The following DIAPH2 variants were observed in gnomAD, a reference collection of about 807,000 sequenced individuals.
The protein encoded by DIAPH2 is protein diaphanous homolog 2.
A neutral mutation model predicts 92.7 loss-of-function variants in DIAPH2; 35 were observed. That is an observed-to-expected ratio of 0.38 (90% CI 0.29 to 0.50). DIAPH2 has a LOEUF of 0.50. DIAPH2 is among the 20% of genes least tolerant of loss of function. The pLI is 0.94. For missense variants in DIAPH2, 701 were observed against 819.5 expected, an observed-to-expected ratio of 0.86 and a Z score of 1.77; for synonymous variants, 301 against 280.4, an observed-to-expected ratio of 1.07 and a Z score of -0.73.
At chrX:97,196,872 C>T (rs1258378415) in intron 22 of DIAPH2, among the ~76,000 whole-genome samples, 1 of 107,159 alleles carries the variant, frequency 9.3e-6, no homozygotes, top group East Asian at 2.9e-4. Context: ...CTGCAACCTC[C>T]GCCTGCCGGG....
chrX:97,187,773 C>T (rs1373322252), intron 22 of DIAPH2, among the ~76,000 whole-genome samples: 3 of 111,567 alleles, frequency 2.7e-5, no homozygotes, highest in Admixed American at 1.9e-4. Context: ...TTGTGTTACA[C>T]TTGGGATCAT....
chrX:97,378,098 C>T (rs1477236953), intron 24 of DIAPH2, among the ~76,000 whole-genome samples: 1 of 110,970 alleles, frequency 9.0e-6, no homozygotes, highest in Admixed American at 9.6e-5. Context: ...ATTAGCTGGG[C>T]TTGGCTGGGC....
chrX:97,232,695 C>G (rs1035676380), intron 22 of DIAPH2, among the ~76,000 whole-genome samples: 4 of 111,597 alleles, frequency 3.6e-5, no homozygotes, highest in African/African-American at 1.3e-4. Flanking sequence ...TCCCAACTCC[C>G]GCATACATGA....
At chrX:97,049,158 G>T (rs1158309748) in intron 17 of DIAPH2, among the ~76,000 whole-genome samples, 2 of 110,580 alleles carry the variant, frequency 1.8e-5, no homozygotes, top group Admixed American at 9.6e-5. Flanking sequence ...TCGGTTTGAT[G>T]CAGGTGAGAG....
At chrX:97,221,725 TAAGTA>T (rs1347492638) in intron 22 of DIAPH2, among the ~76,000 whole-genome samples, 2 of 111,950 alleles carry the variant, frequency 1.8e-5, no homozygotes, top group Non-Finnish European at 1.9e-5. Flanking sequence ...TTGTTGTTGT[TAAGTA>T]AAGGGATTAA....
intron 26 of DIAPH2, among the ~76,000 whole-genome samples, chrX:97,556,292 G>A (rs914240606): frequency 1.8e-5 from 2 of 111,743 alleles, no homozygotes; most frequent in Non-Finnish European, 3.8e-5. Context: ...TGAGTAAAAG[G>A]ATCTCCTCTG....
chrX:97,096,969 C>T (rs1030798727), intron 19 of DIAPH2, among the ~76,000 whole-genome samples: 10 of 111,182 alleles, frequency 9.0e-5, no homozygotes, highest in African/African-American at 3.3e-4. Flanking sequence ...AGGCTGATTC[C>T]GAGGACTCTG....
At chrX:97,210,786 A>G (rs761743489) in intron 22 of DIAPH2, among the ~76,000 whole-genome samples, 1 of 111,861 alleles carries the variant, frequency 8.9e-6, no homozygotes, top group African/African-American at 3.2e-5. Flanking sequence ...CACTGTTGCA[A>G]TCTAGAGCTT....
At chrX:97,450,956 T>C (rs1456515360) in intron 26 of DIAPH2, among the ~76,000 whole-genome samples, 1 of 109,133 alleles carries the variant, frequency 9.2e-6, no homozygotes, top group Admixed American at 9.9e-5. Context: ...AGAAAATCTT[T>C]CATTGCTAAT....
intron 22 of DIAPH2, among the ~76,000 whole-genome samples, chrX:97,194,956 C>T (rs994847767): frequency 9.9e-5 from 11 of 111,405 alleles, no homozygotes; most frequent in African/African-American, 3.6e-4. Context: ...TGGTCCCAAC[C>T]TTACCATATT....
At chrX:97,073,303 G>A (rs2066682111) in intron 18 of DIAPH2, among the ~76,000 whole-genome samples, 1 of 111,463 alleles carries the variant, frequency 9.0e-6, no homozygotes, top group Admixed American at 9.5e-5. Context: ...AACACTGTTG[G>A]AGGACATAGT....
intron 19 of DIAPH2, among the ~76,000 whole-genome samples, chrX:97,085,859 A>G (rs1456508952): frequency 8.9e-6 from 1 of 112,159 alleles, no homozygotes; most frequent in African/African-American, 3.2e-5. Context: ...ACAAAGCTAG[A>G]TGGCAGTGCT....
At chrX:97,343,600 C>T (rs774870036) in intron 23 of DIAPH2, among the ~76,000 whole-genome samples, 9 of 109,370 alleles carry the variant, frequency 8.2e-5, no homozygotes, top group Non-Finnish European at 1.5e-4. Context: ...ACCCGGGAGG[C>T]GGAGGTTGCA....
intron 23 of DIAPH2, among the ~76,000 whole-genome samples, chrX:97,347,049 A>T (rs1304239120): frequency 1.9e-5 from 2 of 107,035 alleles, no homozygotes; most frequent in African/African-American, 6.9e-5. Context: ...ACACACACAC[A>T]TATATAACAC....
chrX:97,008,774 A>G (rs1305455009), intron 17 of DIAPH2, among the ~76,000 whole-genome samples: 1 of 111,397 alleles, frequency 9.0e-6, no homozygotes. Flanking sequence ...ACTGTCTCCT[A>G]AACAGTCTCT....
intron 17 of DIAPH2, among the ~76,000 whole-genome samples, chrX:97,053,291 G>A (rs1050793026): frequency 9.0e-5 from 10 of 111,203 alleles, no homozygotes; most frequent in African/African-American, 3.3e-4. Flanking sequence ...TTAGTTTTTG[G>A]CCTCCAGGTA....
At chrX:97,515,283 T>A (rs1301737618) in intron 26 of DIAPH2, among the ~76,000 whole-genome samples, 1 of 112,411 alleles carries the variant, frequency 8.9e-6, no homozygotes, top group East Asian at 2.8e-4. Context: ...CCAGGTGCCG[T>A]CCGTCACCCC....
At chrX:97,115,722 C>T (rs2067012283) in intron 21 of DIAPH2, among the ~76,000 whole-genome samples, 1 of 111,647 alleles carries the variant, frequency 9.0e-6, no homozygotes, top group East Asian at 2.8e-4. Flanking sequence ...TAGTGTTGTA[C>T]ACTGGTATCT....
intron 24 of DIAPH2, among the ~76,000 whole-genome samples, chrX:97,382,282 A>G (rs1372149395): frequency 8.9e-6 from 1 of 112,194 alleles, no homozygotes; most frequent in Non-Finnish European, 1.9e-5. Flanking sequence ...AAAATTTACC[A>G]TTGTAGTTTA....
Sources: gnomAD v4.1 joint callset for allele counts (sites outside exome capture counted in the v4.1 genomes callset) on GRCh38, gnomAD v4.1.1 for gene constraint, MANE v1.5 for transcripts, NCBI Gene and HGNC (gene_info 2026-07-23, HGNC 2026-07-21) for gene names.